Variants in MAP3K4 observed in about 807,000 individuals in gnomAD.
MAP3K4 encodes MAP three kinase 1.
MAP3K4 carries 67 observed loss-of-function variants against 185.6 expected under a neutral mutation model. The ratio of observed to expected loss-of-function variants is 0.36; its 90% CI spans 0.30 to 0.44. The LOEUF (loss-of-function observed/expected upper bound fraction) is 0.44, where lower values mean the gene tolerates loss of function less well. Ranked by LOEUF, MAP3K4 falls within the 20% of genes least tolerant of loss-of-function variation. The probability of loss-of-function intolerance (pLI) is 1.00; values close to 1 mark genes in which losing one functional copy is unlikely to be tolerated. For synonymous variants in MAP3K4, 702 were observed against 710.4 expected (o/e 0.99, Z 0.19); for missense variants, 1,551 against 1,995.1 (o/e 0.78, Z 4.24).
rs949576778 is a variant in MAP3K4, at chr6:161,064,844, G to A, written c.1708-5764G>A. On this transcript the variant is annotated intron_variant, in intron 3 of 26. Transcript: ENST00000392142. The surrounding 1 kb of genome is among the most constrained non-coding windows in gnomAD (Gnocchi z 4.3). ...AGGGTACACGGCACGCCTACAGGCC[G>A]CTCATGCAGAGGTCAGGAAGTGCAG... 2.6e-5 allele frequency among the ~76,000 whole-genome samples: 4 copies of A among 152,164 alleles called. No homozygotes were observed. Among genetic ancestry groups the A allele is most frequent in the South Asian group, 4.1e-4 (2 of 4,832 alleles).
chr6:161,100,286 C>A lies in MAP3K4; in HGVS notation c.3675-1606C>A, dbSNP rs1033929395. The stretch of plus-strand genomic sequence containing the variant: ...CAGCTGTGGGTTTGTGAATGTGCCA[C>A]GGGGAGGCAGAATGACACCAGTGTG... On this transcript the variant is annotated intron_variant, in intron 17 of 26. Coordinates refer to ENST00000392142, the MANE Select transcript of MAP3K4 (RefSeq NM_005922.4). The surrounding 1 kb of genome is among the most constrained non-coding windows in gnomAD (Gnocchi z 5.8). Among the ~76,000 whole-genome samples, 2 of 152,190 alleles carry A rather than the reference C, an allele frequency of 1.3e-5. No homozygotes were observed. The highest frequency in any genetic ancestry group is 4.8e-5 in the African/African-American group (2 of 41,444).
chr6:161,038,594 G>T (rs1783293490), intron 2 of MAP3K4, among the ~76,000 whole-genome samples: 1 of 152,218 alleles, frequency 6.6e-6, no homozygotes, highest in Admixed American at 6.5e-5. Context: ...GCATTTTTCA[G>T]ATTATCTATT....
chr6:161,019,910 T>G (rs1782298795), intron 1 of MAP3K4, among the ~76,000 whole-genome samples: 1 of 152,226 alleles, frequency 6.6e-6, no homozygotes, highest in African/African-American at 2.4e-5. Flanking sequence ...CCAGTATCAC[T>G]CCAAACATGA....
At position 161,103,959 on chromosome 6, in the gene MAP3K4, G is replaced by A. The variant is rs1037058732; in HGVS notation, c.3856+1180G>A. 6.6e-6 allele frequency among the ~76,000 whole-genome samples: 1 copy of A among 152,162 alleles called. No individual in the cohort carries two copies. The highest frequency in any genetic ancestry group is 2.4e-5 in the African/African-American group (1 of 41,444). ...GAGTTTTCCTAGGCTTGAGCCAGGT[G>A]ACAGGAAGACAGTTTCTTCAGTGGC... On this transcript the variant is annotated intron_variant, in intron 19 of 26. Transcript: ENST00000392142. The surrounding 1 kb of genome is among the most constrained non-coding windows in gnomAD (Gnocchi z 4.6).
rs1472381236 is a variant in MAP3K4, at chr6:161,051,632, C to T, written c.1707+1653C>T. ...AAGAAAAAAGTCCTGGCAGTACCAA[C>T]ATCCCTTGGTATCTCATCCCAGGGG... On this transcript the variant is annotated intron_variant, in intron 3 of 26. Transcript: ENST00000392142. The surrounding 1 kb of genome is among the most constrained non-coding windows in gnomAD (Gnocchi z 4.2). Among the ~76,000 whole-genome samples, 3 of 152,208 alleles carry T rather than the reference C, an allele frequency of 2.0e-5. No homozygotes were observed. The highest frequency in any genetic ancestry group is 4.4e-5 in the Non-Finnish European group (3 of 68,036).
rs1778073994 is a variant in MAP3K4 at position 161,106,401 on chromosome 6, G to A, written c.3857-113G>A. On this transcript the variant is annotated intron_variant, in intron 19 of 26. Coordinates refer to ENST00000392142, the MANE Select transcript of MAP3K4 (RefSeq NM_005922.4). This position sits in a 1 kb window ranked among gnomAD's most constrained non-coding sequence, Gnocchi z 4.9. ...TGCTGTTTATCTGAATAGATAATAA[G>A]CTTTGCTGTAATGGAGTGCTAATAT... 1 of 685,640 alleles carries A rather than the reference G, an allele frequency of 1.5e-6. No homozygotes were observed. The allele number at this position is 685,640 out of a possible 1,614,324, so 42.5% of individuals were successfully genotyped here.
At chr6:161,052,167 C>G (rs1784032650) in intron 3 of MAP3K4, among the ~76,000 whole-genome samples, 1 of 149,114 alleles carries the variant, frequency 6.7e-6, no homozygotes, top group African/African-American at 2.5e-5. Flanking sequence ...CACCCACCCT[C>G]CCTCCCCAAA....
intron 6 of MAP3K4, among the ~76,000 whole-genome samples, chr6:161,081,296 C>T (rs1216914567): frequency 1.9e-4 from 10 of 52,538 alleles, no homozygotes; most frequent in East Asian, 8.4e-4. Context: ...AGCGAGTGGG[C>T]GGGGGGAGGG....
intron 1 of MAP3K4, among the ~76,000 whole-genome samples, chr6:160,992,839 C>A (rs544749562): frequency 1.3e-5 from 2 of 151,826 alleles, no homozygotes; most frequent in African/African-American, 4.8e-5. Flanking sequence ...ATTGAGAGAA[C>A]AAACTCACCA....
intron 1 of MAP3K4, among the ~76,000 whole-genome samples, chr6:161,033,098 A>G (rs940089043): frequency 6.6e-6 from 1 of 152,194 alleles, no homozygotes; most frequent in South Asian, 2.1e-4. Context: ...TACATTGTAG[A>G]GTAGCTTTTC....
Position 161,048,736 on chromosome 6 carries a change from G to A in MAP3K4, c.464G>A (p.Arg155His), listed in dbSNP as rs201544851. The A allele has an allele frequency of 1.5e-5, 24 of 1,613,874 alleles. No individual in the cohort carries two copies. The Admixed American group carries it at 1.8e-4, about 12-fold the overall frequency. ...KIRAALRTTE[R>H]DRKKNVQCSF... ...CGAGCAGCTCTTAGAACAACAGAGC[G>A]TGATCGTAAAAAAAATGTACAGTGC... The change falls in exon 3 of 27, where the codon CGT becomes CAT. Residue 155 changes from arginine (R) to histidine (H), a missense_variant. By Grantham distance (29) the Arg-to-His change is conservative. Coordinates refer to ENST00000392142, the MANE Select transcript of MAP3K4 (RefSeq NM_005922.4). This position sits in a 1 kb window ranked among gnomAD's most constrained non-coding sequence, Gnocchi z 4.7.
chr6:161,041,604 G>A (rs1213279312), intron 2 of MAP3K4, among the ~76,000 whole-genome samples: 1 of 152,214 alleles, frequency 6.6e-6, no homozygotes, highest in African/African-American at 2.4e-5. Context: ...TAGATCTGGT[G>A]ACTTTCAGGA....
At chr6:161,039,884 TTATAACCA>T (rs1783367994) in intron 2 of MAP3K4, among the ~76,000 whole-genome samples, 1 of 152,226 alleles carries the variant, frequency 6.6e-6, no homozygotes, top group Non-Finnish European at 1.5e-5. Flanking sequence ...GTTTGGATCA[TTATAACCA>T]TGTTCCCTAT....
intron 23 of MAP3K4, 26 bp from the exon 24 acceptor site, chr6:161,111,810 G>GT: frequency 6.4e-7 from 1 of 1,550,570 alleles, no homozygotes. Context: ...CAGAGGCTGC[G>GT]TAACAACTAC....
chr6:161,019,362 A>G (rs1434792266), intron 1 of MAP3K4, among the ~76,000 whole-genome samples: 2 of 152,064 alleles, frequency 1.3e-5, no homozygotes, highest in Non-Finnish European at 2.9e-5. Flanking sequence ...TTTTGGAAAC[A>G]TTCTTCCTTT....
At position 161,053,330 on chromosome 6, in the gene MAP3K4, C is replaced by G. The variant is rs1354625013; in HGVS notation, c.1707+3351C>G. Among the ~76,000 whole-genome samples, 1 of 152,150 alleles carries G rather than the reference C, an allele frequency of 6.6e-6. No homozygotes were observed. Among genetic ancestry groups the G allele is most frequent in the Non-Finnish European group, 1.5e-5 (1 of 68,020 alleles). ...GGTCACCTCCCACCAGGCCCCACCC[C>G]CAACATTGGGGATTACTATTCAACA... On this transcript the variant is annotated intron_variant, in intron 3 of 26. Coordinates refer to ENST00000392142, the MANE Select transcript of MAP3K4 (RefSeq NM_005922.4). This position sits in a 1 kb window ranked among gnomAD's most constrained non-coding sequence, Gnocchi z 4.2.
rs779520550 is a variant in MAP3K4, at chr6:161,064,302, G to C, written c.1708-6306G>C. On this transcript the variant is annotated intron_variant, in intron 3 of 26. Coordinates refer to ENST00000392142, the MANE Select transcript of MAP3K4 (RefSeq NM_005922.4). The surrounding 1 kb of genome is among the most constrained non-coding windows in gnomAD (Gnocchi z 4.3). ...ATACTTTGATTTCCCATAATAACCAGTAAGAATTTCTAAAACAGCTGCATA... is the reference window on the plus strand; with the variant it reads ...ATACTTTGATTTCCCATAATAACCACTAAGAATTTCTAAAACAGCTGCATA... 6.6e-6 allele frequency among the ~76,000 whole-genome samples: 1 copy of C among 152,126 alleles called. No individual in the cohort carries two copies. Among genetic ancestry groups the C allele is most frequent in the Non-Finnish European group, 1.5e-5 (1 of 68,032 alleles).
intron 1 of MAP3K4, among the ~76,000 whole-genome samples, chr6:160,992,688 A>G (rs1348337345): frequency 6.6e-6 from 1 of 152,186 alleles, no homozygotes; most frequent in Admixed American, 6.5e-5. Context: ...TGTTGCTCAC[A>G]CGTGCACAAA....
In MAP3K4 at chr6:160,991,798, C is replaced by T. The variant is rs1562463920; in HGVS notation, c.-134C>T. ...GGCCGGTCGCCGTTTCCAAGATGGC[C>T]GCGGCGCGCACGGCTCCTGCGGCGG... On this transcript the variant is annotated 5_prime_UTR_variant, in exon 1 of 27. Transcript: ENST00000392142. The surrounding 1 kb of genome is among the most constrained non-coding windows in gnomAD (Gnocchi z 5.7). 4.8e-6 allele frequency: 5 copies of T among 1,041,142 alleles called. No individual in the cohort carries two copies. Among genetic ancestry groups the T allele is most frequent in the South Asian group, 2.3e-5 (1 of 43,402 alleles). The allele number at this position is 1,041,142 out of a possible 1,614,324, so 64.5% of individuals were successfully genotyped here.
Sources: allele counts gnomAD v4.1 joint callset (sites outside exome capture counted in the v4.1 genomes callset), GRCh38; gene constraint gnomAD v4.1.1; non-coding constraint Gnocchi (gnomAD v3.1); transcripts MANE v1.5; gene names NCBI Gene and HGNC (gene_info 2026-07-23, HGNC 2026-07-21).